DCUN1D5: variants seen among roughly 807,000 people sequenced by gnomAD.
The protein encoded by DCUN1D5 is DCN1-like protein 5.
Under a neutral mutation model 38.3 loss-of-function variants are expected in DCUN1D5, and 10 were observed. The observed-to-expected ratio is 0.26, with a 90% CI of 0.16 to 0.44. DCUN1D5 has a LOEUF of 0.44. Ranked by LOEUF, DCUN1D5 falls within the 20% of genes least tolerant of loss-of-function variation. The probability of loss-of-function intolerance (pLI) is 1.00; values close to 1 mark genes in which losing one functional copy is unlikely to be tolerated. For missense variants in DCUN1D5, 148 were observed against 275.3 expected, an observed-to-expected ratio of 0.54 and a Z score of 3.27; for synonymous variants, 93 against 90.9, an observed-to-expected ratio of 1.02 and a Z score of -0.13.
chr11:103,082,645 T>C, intron 4 of DCUN1D5, 103 bp downstream of exon 4: 1 of 776,452 alleles, frequency 1.3e-6, no homozygotes, highest in East Asian at 2.6e-5. Context: ...TCAAACAGAT[T>C]TGATTTAAGG....
Position 103,062,039 on chromosome 11 carries a change from A to G in DCUN1D5, c.*320T>C, listed in dbSNP as rs1862024458. ...CAAAAATCAAAAAATTCAAATTTAC[A>G]AAAATAAATACCACTCTGACACTCA... On this transcript the variant is annotated 3_prime_UTR_variant, in exon 8 of 8. Coordinates refer to ENST00000260247, the MANE Select transcript of DCUN1D5 (RefSeq NM_032299.4). The surrounding 1 kb of genome is among the most constrained non-coding windows in gnomAD (Gnocchi z 4.6). 4.0e-6 allele frequency: 1 copy of G among 248,394 alleles called. No homozygotes were observed. The allele number at this position is 248,394 out of a possible 1,614,324, so 15.4% of individuals were successfully genotyped here. A position where few individuals can be genotyped will look rare whatever the true frequency, so the allele number is the denominator to read the frequency against.
rs17099877 is a variant in DCUN1D5 at position 103,060,785 on chromosome 11, G to C, written c.*1574C>G. 0.072 allele frequency among the ~76,000 whole-genome samples: 10,948 copies of C among 152,154 alleles called. 488 individuals are homozygous for C. The highest frequency in any genetic ancestry group is 0.15 in the East Asian group (786 of 5,160). ...TTCTTCAGTTCAGATGTGCCTTGAAGAGTCAACTAAATTATAAATTTAAAG... is the reference window on the plus strand; with the variant it reads ...TTCTTCAGTTCAGATGTGCCTTGAACAGTCAACTAAATTATAAATTTAAAG... On this transcript the variant is annotated 3_prime_UTR_variant, in exon 8 of 8. Coordinates refer to ENST00000260247, the MANE Select transcript of DCUN1D5 (RefSeq NM_032299.4).
In DCUN1D5 at chr11:103,083,358, T is replaced by C; in HGVS notation, c.179-32A>G. 8.2e-7 allele frequency: 1 copy of C among 1,226,958 alleles called. No individual in the cohort carries two copies. The highest frequency in any genetic ancestry group is 1.2e-6 in the Non-Finnish European group (1 of 833,204). 76.0% of individuals were successfully genotyped at this position (1,226,958 alleles called of 1,614,324 possible). ...AGACAAAAATAATTAACATATTTTG[T>C]TATAATATCAACATAAAACATAAAT... On this transcript the variant is annotated intron_variant, in intron 2 of 7. Transcript: ENST00000260247. This position sits in a 1 kb window ranked among gnomAD's most constrained non-coding sequence, Gnocchi z 4.4.
rs972590121 is a variant in DCUN1D5 at position 103,063,142 on chromosome 11, G to A, written c.659-728C>T. Among the ~76,000 whole-genome samples the A allele has an allele frequency of 6.6e-6, 1 of 152,070 alleles. No individual in the cohort carries two copies. The highest frequency in any genetic ancestry group is 1.5e-5 in the Non-Finnish European group (1 of 67,968). On this transcript the variant is annotated intron_variant, in intron 7 of 7. Transcript: ENST00000260247. This position sits in a 1 kb window ranked among gnomAD's most constrained non-coding sequence, Gnocchi z 4.6. ...GTAAGAAAAGCAGCAGAGCACATAT[G>A]ATAATAAATGGCAACTGAAAAACAG...
Position 103,053,102 on chromosome 11 carries a change from T to A in DCUN1D5, c.*9257A>T, listed in dbSNP as rs1467955854. 8 of 152,132 alleles carry A rather than the reference T, an allele frequency of 5.3e-5. No homozygotes were observed. The highest frequency in any genetic ancestry group is 1.5e-5 in the Non-Finnish European group (1 of 67,974). 9.4% of individuals were successfully genotyped at this position (152,132 alleles called of 1,614,324 possible). Reference sequence around the variant, plus strand: ...AACTGATTTAAGAGACTCAATGTAATAAGACATCATAGAATTTTGGCTTTT... The same window carrying A: ...AACTGATTTAAGAGACTCAATGTAAAAAGACATCATAGAATTTTGGCTTTT... On this transcript the variant is annotated 3_prime_UTR_variant, in exon 8 of 8. Transcript: ENST00000260247. This position sits in a 1 kb window ranked among gnomAD's most constrained non-coding sequence, Gnocchi z 4.8.
chr11:103,069,597 T>C (rs1448680229), intron 4 of DCUN1D5, among the ~76,000 whole-genome samples: 2 of 152,152 alleles, frequency 1.3e-5, no homozygotes, highest in South Asian at 2.1e-4. Flanking sequence ...TAGGTTGATA[T>C]AGAGGAGGCC....
rs373881231 is a variant in DCUN1D5, at chr11:103,065,967, T to A, written c.555+302A>T. On this transcript the variant is annotated intron_variant, in intron 6 of 7. Coordinates refer to ENST00000260247, the MANE Select transcript of DCUN1D5 (RefSeq NM_032299.4). This position sits in a 1 kb window ranked among gnomAD's most constrained non-coding sequence, Gnocchi z 4.6. ...TAAAGGTTTGTGTACTAGCATTAACTCTCTTATGAAAACCCCGAGAAACTA... is the reference window on the plus strand; with the variant it reads ...TAAAGGTTTGTGTACTAGCATTAACACTCTTATGAAAACCCCGAGAAACTA... Among the ~76,000 whole-genome samples the A allele has an allele frequency of 1.9e-3, 296 of 152,128 alleles. No homozygotes were observed. The highest frequency in any genetic ancestry group is 0.01 in the South Asian group (50 of 4,810).
chr11:103,087,100 T>C lies in DCUN1D5; in HGVS notation c.178+2127A>G, dbSNP rs1862729211. Among the ~76,000 whole-genome samples, 1 of 151,754 alleles carries C rather than the reference T, an allele frequency of 6.6e-6. No homozygotes were observed. Among genetic ancestry groups the C allele is most frequent in the African/African-American group, 2.4e-5 (1 of 41,342 alleles). On this transcript the variant is annotated intron_variant, in intron 2 of 7. Transcript: ENST00000260247. This position sits in a 1 kb window ranked among gnomAD's most constrained non-coding sequence, Gnocchi z 4.1. ...CACCACTCTGGGAAGCTGAGGCAAT[T>C]AGATCACTTGAGCCCAGGAGTTGGA... is the stretch of plus-strand genomic sequence containing the variant.
At position 103,052,060 on chromosome 11, in the gene DCUN1D5, A is replaced by C. The variant is rs1861753570; in HGVS notation, c.*10299T>G. 6.6e-6 allele frequency: 1 copy of C among 152,186 alleles called. No individual in the cohort carries two copies. Among genetic ancestry groups the C allele is most frequent in the Non-Finnish European group, 1.5e-5 (1 of 68,016 alleles). 9.4% of individuals were successfully genotyped at this position (152,186 alleles called of 1,614,324 possible). ...TGCTTAGTGAGATCTGTCTTTAATT[A>C]TGAAATAATTTTAGTGTCTATTTAG... On this transcript the variant is annotated 3_prime_UTR_variant, in exon 8 of 8. Coordinates refer to ENST00000260247, the MANE Select transcript of DCUN1D5 (RefSeq NM_032299.4).
In DCUN1D5 at chr11:103,062,029, T is replaced by A. The variant is rs1862024309; in HGVS notation, c.*330A>T. 1 of 229,722 alleles carries A rather than the reference T, an allele frequency of 4.4e-6. No homozygotes were observed. The highest frequency in any genetic ancestry group is 8.4e-6 in the Non-Finnish European group (1 of 119,460). The allele number at this position is 229,722 out of a possible 1,614,324, so 14.2% of individuals were successfully genotyped here. On this transcript the variant is annotated 3_prime_UTR_variant, in exon 8 of 8. Coordinates refer to ENST00000260247, the MANE Select transcript of DCUN1D5 (RefSeq NM_032299.4). The surrounding 1 kb of genome is among the most constrained non-coding windows in gnomAD (Gnocchi z 4.6). ...ATTGGAACCTCAAAAATCAAAAAAT[T>A]CAAATTTACAAAAATAAATACCACT...
rs1421170149 is a variant in DCUN1D5 at position 103,061,518 on chromosome 11, C to A, written c.*841G>T. Among the ~76,000 whole-genome samples, 1 of 150,470 alleles carries A rather than the reference C, an allele frequency of 6.6e-6. No individual in the cohort carries two copies. Among genetic ancestry groups the A allele is most frequent in the Non-Finnish European group, 1.5e-5 (1 of 67,710 alleles). The stretch of plus-strand genomic sequence containing the variant: ...CAATTAATTATACCCAGAGTTCTCT[C>A]ATGATTCCTTATTCTATTGTCTTCT... On this transcript the variant is annotated 3_prime_UTR_variant, in exon 8 of 8. Coordinates refer to ENST00000260247, the MANE Select transcript of DCUN1D5 (RefSeq NM_032299.4).
Position 103,087,580 on chromosome 11 carries a change from C to T in DCUN1D5, c.178+1647G>A, listed in dbSNP as rs113093383. 0.01 allele frequency among the ~76,000 whole-genome samples: 1,594 copies of T among 152,276 alleles called. 34 individuals are homozygous for T. Among genetic ancestry groups the T allele is most frequent in the African/African-American group, 0.036 (1,494 of 41,570 alleles). On this transcript the variant is annotated intron_variant, in intron 2 of 7. Coordinates refer to ENST00000260247, the MANE Select transcript of DCUN1D5 (RefSeq NM_032299.4). This position sits in a 1 kb window ranked among gnomAD's most constrained non-coding sequence, Gnocchi z 4.1. Reference sequence around the variant, plus strand: ...TGGGAGGATGGCCTGAGCCCAGGAGCTCAAGGCTGCAGTGAGCCATGATCA... The same window carrying T: ...TGGGAGGATGGCCTGAGCCCAGGAGTTCAAGGCTGCAGTGAGCCATGATCA...
At position 103,077,758 on chromosome 11, in the gene DCUN1D5, G is replaced by A. The variant is rs545751723; in HGVS notation, c.341+4990C>T. On this transcript the variant is annotated intron_variant, in intron 4 of 7. Coordinates refer to ENST00000260247, the MANE Select transcript of DCUN1D5 (RefSeq NM_032299.4). The surrounding 1 kb of genome is among the most constrained non-coding windows in gnomAD (Gnocchi z 4.3). ...GCTGTGACACATTGATGTGTAACAC[G>A]AAGAATTGTGTCACAAAGTTCTGGA... is the stretch of plus-strand genomic sequence containing the variant. 4.6e-5 allele frequency among the ~76,000 whole-genome samples: 7 copies of A among 152,272 alleles called. No homozygotes were observed. The highest frequency in any genetic ancestry group is 1.7e-4 in the African/African-American group (7 of 41,544).
intron 4 of DCUN1D5, among the ~76,000 whole-genome samples, chr11:103,081,465 C>T (rs796153732): frequency 2.6e-5 from 4 of 151,984 alleles, no homozygotes; most frequent in Admixed American, 6.5e-5. Flanking sequence ...TATTATGACA[C>T]CTAAATGTAT....
rs1861862595 is a variant in DCUN1D5, at chr11:103,055,920, C to T, written c.*6439G>A. On this transcript the variant is annotated 3_prime_UTR_variant, in exon 8 of 8. Transcript: ENST00000260247. ...CAAAAGTAAACTCTCAATCTACCCG[C>T]TTAAGCCTGCTCCTCTGAGTCTTCG... The T allele has an allele frequency of 6.6e-6, 1 of 152,226 alleles. No individual in the cohort carries two copies. Among genetic ancestry groups the T allele is most frequent in the African/African-American group, 2.4e-5 (1 of 41,464 alleles). 9.4% of individuals were successfully genotyped at this position (152,226 alleles called of 1,614,324 possible). A position where few individuals can be genotyped will look rare whatever the true frequency, so the allele number is the denominator to read the frequency against.
chr11:103,073,609 A>T lies in DCUN1D5; in HGVS notation c.342-7042T>A, dbSNP rs192639118. Among the ~76,000 whole-genome samples, 14 of 152,344 alleles carry T rather than the reference A, an allele frequency of 9.2e-5. No individual in the cohort carries two copies. The East Asian group carries it at 2.7e-3, about 29-fold the overall frequency. The stretch of plus-strand genomic sequence containing the variant: ...GAACAGAGAACCCAGAAATAAATGT[A>T]CACAAATATGTCCAACATTTACATA... On this transcript the variant is annotated intron_variant, in intron 4 of 7. Transcript: ENST00000260247. The surrounding 1 kb of genome is among the most constrained non-coding windows in gnomAD (Gnocchi z 4.2).
Position 103,056,566 on chromosome 11 carries a change from G to A in DCUN1D5, c.*5793C>T, listed in dbSNP as rs1591196777. ...CAACTTACTTTCCCCATATAACCTT[G>A]TCACCAAATGATAAACTATTTTACT... On this transcript the variant is annotated 3_prime_UTR_variant, in exon 8 of 8. Transcript: ENST00000260247. The surrounding 1 kb of genome is among the most constrained non-coding windows in gnomAD (Gnocchi z 4.9). Among the ~76,000 whole-genome samples, 2 of 152,038 alleles carry A rather than the reference G, an allele frequency of 1.3e-5. No individual in the cohort carries two copies. Among genetic ancestry groups the A allele is most frequent in the East Asian group, 1.9e-4 (1 of 5,168 alleles).
rs1237766431 is a variant in DCUN1D5 at position 103,051,161 on chromosome 11, T to TCA, written c.*11196_*11197dup. Reference sequence around the variant, plus strand: ...TTTCCCTTATTCAGTTGGTGGTCTGTCATCTTTTTTCCAATTATTTTGTAA... The same window carrying TCA: ...TTTCCCTTATTCAGTTGGTGGTCTGTCACATCTTTTTTCCAATTATTTTGTAA... On this transcript the variant is annotated 3_prime_UTR_variant, in exon 8 of 8. Transcript: ENST00000260247. 6.6e-6 allele frequency: 1 copy of TCA among 152,188 alleles called. No individual in the cohort carries two copies. The highest frequency in any genetic ancestry group is 1.5e-5 in the Non-Finnish European group (1 of 68,034). The allele number at this position is 152,188 out of a possible 1,614,324, so 9.4% of individuals were successfully genotyped here. A position where few individuals can be genotyped will look rare whatever the true frequency, so the allele number is the denominator to read the frequency against.
chr11:103,055,937 G>T lies in DCUN1D5; in HGVS notation c.*6422C>A, dbSNP rs1289936583. ...TCTACCCGCTTAAGCCTGCTCCTCT[G>T]AGTCTTCGCCATCTTATTAATGCCC... On this transcript the variant is annotated 3_prime_UTR_variant, in exon 8 of 8. Coordinates refer to ENST00000260247, the MANE Select transcript of DCUN1D5 (RefSeq NM_032299.4). The T allele has an allele frequency of 6.6e-6, 1 of 152,136 alleles. No individual in the cohort carries two copies. Among genetic ancestry groups the T allele is most frequent in the Non-Finnish European group, 1.5e-5 (1 of 68,026 alleles). 9.4% of individuals were successfully genotyped at this position (152,136 alleles called of 1,614,324 possible).
Sources: allele counts gnomAD v4.1 joint callset (sites outside exome capture counted in the v4.1 genomes callset), GRCh38; gene constraint gnomAD v4.1.1; non-coding constraint Gnocchi (gnomAD v3.1); transcripts MANE v1.5; gene names NCBI Gene and HGNC (gene_info 2026-07-23, HGNC 2026-07-21).